NUP42: variants seen among roughly 807,000 people sequenced by gnomAD.
NUP42 encodes the protein nucleoporin 42.
NUP42 carries 47 observed loss-of-function variants against 35.9 expected under a neutral mutation model. That is an observed-to-expected ratio of 1.31 (90% CI 1.04 to 1.67). The LOEUF (loss-of-function observed/expected upper bound fraction) is 1.67, where lower values mean the gene tolerates loss of function less well. NUP42 is among the 40% of genes most tolerant of loss of function. The pLI is 0.00. For missense variants in NUP42, 514 were observed against 492.2 expected (o/e 1.04, Z -0.42); for synonymous variants, 173 against 173.3 (o/e 1.00, Z 0.01).
At chr7:23,195,208 T>A (rs1785972290) in intron 3 of NUP42, 1 of 152,250 alleles carries the variant, frequency 6.6e-6, no homozygotes, top group Non-Finnish European at 1.5e-5. Context: ...TTTAATTCCC[T>A]TAACGGTAAT....
intron 4 of NUP42, 46 bp from the exon 5 acceptor site, chr7:23,196,628 CTAACTT>C: frequency 1.6e-6 from 2 of 1,271,708 alleles, no homozygotes; most frequent in Non-Finnish European, 2.3e-6. Flanking sequence ...ATTGAAGAAA[CTAACTT>C]AAACATACAA....
chr7:23,195,859 G>C lies in NUP42; in HGVS notation c.466G>C (p.Glu156Gln), dbSNP rs749822232. Residue 156 changes from glutamate to glutamine, a missense_variant, in exon 4 of 7, where the codon GAG becomes CAG. Physicochemically the swap from Glu to Gln is conservative, Grantham distance 29. Transcript: ENST00000258742. ...TTCAGGTTTTACAGACATTTCACCAGAGGAATTGAGGCTTGAATACCATAA... is the reference window on the plus strand; with the variant it reads ...TTCAGGTTTTACAGACATTTCACCACAGGAATTGAGGCTTGAATACCATAA... ...NISGFTDISPEELRLEYHNFL... is the reference protein window; with the variant it reads ...NISGFTDISPQELRLEYHNFL... The C allele has an allele frequency of 3.7e-6, 6 of 1,602,240 alleles. No individual in the cohort carries two copies. The highest frequency in any genetic ancestry group is 4.5e-5 in the East Asian group (2 of 44,138).
chr7:23,193,283 G>C (rs940030898), intron 3 of NUP42, among the ~76,000 whole-genome samples: 24 of 152,200 alleles, frequency 1.6e-4, no homozygotes, highest in Non-Finnish European at 3.2e-4. Flanking sequence ...ACTGCTGGCT[G>C]GGGCAGCCTG....
intron 3 of NUP42, among the ~76,000 whole-genome samples, chr7:23,192,827 G>A (rs1224975692): frequency 6.6e-6 from 1 of 152,116 alleles, no homozygotes. Flanking sequence ...TGTATAAGTT[G>A]TTCTATGTGT....
intron 6 of NUP42, 65 bp downstream of exon 6, chr7:23,199,607 T>A: frequency 7.5e-7 from 1 of 1,326,274 alleles, no homozygotes; most frequent in South Asian, 1.2e-5. Context: ...GGTTTCAAAT[T>A]ACAAGCCTGA....
intron 1 of NUP42, among the ~76,000 whole-genome samples, chr7:23,184,060 T>C (rs1661198126): frequency 6.6e-6 from 1 of 152,066 alleles, no homozygotes; most frequent in Non-Finnish European, 1.5e-5. Flanking sequence ...GTAAATGAGA[T>C]TGCTAAAATG....
At chr7:23,186,999 T>A in intron 2 of NUP42, 53 bp from the exon 3 acceptor site, 1 of 1,212,878 alleles carries the variant, frequency 8.2e-7, no homozygotes, top group Non-Finnish European at 1.2e-6. Flanking sequence ...CAATAAATTT[T>A]ACCAAGCAGC....
chr7:23,195,559 A>C (rs1785983756), intron 3 of NUP42: 1 of 259,594 alleles, frequency 3.9e-6, no homozygotes. Flanking sequence ...TAAAAGTTTG[A>C]ATATAAATGT....
At chr7:23,191,685 A>G (rs1785798609) in intron 3 of NUP42, among the ~76,000 whole-genome samples, 1 of 152,246 alleles carries the variant, frequency 6.6e-6, no homozygotes, top group South Asian at 2.1e-4. Context: ...TTGCCCAATT[A>G]TAAAAGTTAC....
intron 5 of NUP42, among the ~76,000 whole-genome samples, chr7:23,198,887 T>C (rs1042993254): frequency 6.6e-6 from 1 of 152,202 alleles, no homozygotes; most frequent in East Asian, 1.9e-4. Flanking sequence ...TATCTGCTCA[T>C]TGTAGAAATT....
intron 3 of NUP42, chr7:23,188,012 T>C: frequency 9.2e-7 from 1 of 1,086,192 alleles, no homozygotes; most frequent in Admixed American, 2.8e-5. Context: ...TTTTTATTTT[T>C]ATTTTTTTTT....
intron 3 of NUP42, among the ~76,000 whole-genome samples, chr7:23,191,291 A>C (rs1242029031): frequency 6.6e-6 from 1 of 152,212 alleles, no homozygotes; most frequent in Admixed American, 6.5e-5. Flanking sequence ...CTAACTCAGC[A>C]TGCTGTGTGA....
intron 1 of NUP42, among the ~76,000 whole-genome samples, chr7:23,184,684 T>C (rs1192474725): frequency 6.6e-6 from 1 of 152,176 alleles, no homozygotes; most frequent in Non-Finnish European, 1.5e-5. Context: ...CTAGACATAC[T>C]AAGATATAAT....
At chr7:23,192,018 A>C (rs1310107430) in intron 3 of NUP42, among the ~76,000 whole-genome samples, 1 of 152,208 alleles carries the variant, frequency 6.6e-6, no homozygotes, top group Non-Finnish European at 1.5e-5. Context: ...AGAAATATAT[A>C]AATAAAATAA....
At chr7:23,193,646 C>T (rs934293344) in intron 3 of NUP42, among the ~76,000 whole-genome samples, 5 of 152,240 alleles carry the variant, frequency 3.3e-5, no homozygotes, top group African/African-American at 4.8e-5. Flanking sequence ...CCCCACCAGA[C>T]TCAGGAGCCC....
intron 3 of NUP42, chr7:23,194,685 C>CTTTTGTTTTTGT (rs1554296537): frequency 0.031 from 4,837 of 155,832 alleles, 219 homozygotes; most frequent in African/African-American, 0.12. Context: ...TTTGTTTTTG[C>CTTTTGTTTTTGT]TTTTGTTTTT....
At position 23,182,218 on chromosome 7, in the gene NUP42, C is replaced by A. The variant is rs1412054945; in HGVS notation, c.121+12C>A. 2 of 1,598,396 alleles carry A rather than the reference C, an allele frequency of 1.3e-6. No individual in the cohort carries two copies. The highest frequency in any genetic ancestry group is 2.3e-5 in the East Asian group (1 of 44,154). On this transcript the variant is annotated intron_variant, in intron 1 of 6. Transcript: ENST00000258742. ...GCAGCAGCCTTCAGGTGACTCTCCTCTGAATCCTCCGCGGTAACCGAGCCG... is the reference window on the plus strand; with the variant it reads ...GCAGCAGCCTTCAGGTGACTCTCCTATGAATCCTCCGCGGTAACCGAGCCG...
intron 4 of NUP42, chr7:23,196,436 C>G: frequency 2.3e-6 from 1 of 427,836 alleles, no homozygotes; most frequent in Non-Finnish European, 4.2e-6. Context: ...ATATAACTAA[C>G]TACGTGCTGC....
At position 23,185,160 on chromosome 7, in the gene NUP42, G is replaced by A; in HGVS notation, c.212G>A (p.Gly71Asp). 2 of 1,614,144 alleles carry A rather than the reference G, an allele frequency of 1.2e-6. No homozygotes were observed. The highest frequency in any genetic ancestry group is 1.7e-6 in the Non-Finnish European group (2 of 1,179,996). ...TTCTCCAAATCCACACCATGGGGGG[G>A]CAGCAGAGATCAAGAAAAGCCATAT... Reference protein sequence around the residue: ...SSFSKSTPWGGSRDQEKPYFS... With the variant: ...SSFSKSTPWGDSRDQEKPYFS... The change falls in exon 2 of 7, where the codon GGC (glycine) becomes GAC (aspartate). Residue 71 changes from glycine to aspartate, a missense_variant. Physicochemically the swap from Gly to Asp is moderately conservative, Grantham distance 94. Transcript: ENST00000258742.
Sources: gnomAD v4.1 joint callset for allele counts (sites outside exome capture counted in the v4.1 genomes callset) on GRCh38, gnomAD v4.1.1 for gene constraint, MANE v1.5 for transcripts, NCBI Gene and HGNC (gene_info 2026-07-23, HGNC 2026-07-21) for gene names.